The following SOX6 variants were observed in gnomAD, a reference collection of about 807,000 sequenced individuals.
SOX6 encodes the protein SRY-box transcription factor 6, also known as transcription factor SOX-6.
SOX6 carries 11 observed loss-of-function variants against 97.8 expected under a neutral mutation model. That is an observed-to-expected ratio of 0.11 (90% CI 0.07 to 0.19). SOX6 has a LOEUF of 0.19. Among genes scored for constraint, SOX6 ranks in the 10% least tolerant of loss-of-function variants. The probability of loss-of-function intolerance (pLI) is 1.00; values close to 1 mark genes in which losing one functional copy is unlikely to be tolerated. For synonymous variants in SOX6, 360 were observed against 371.4 expected, an observed-to-expected ratio of 0.97 and a Z score of 0.35; for missense variants, 810 against 1,039.5, an observed-to-expected ratio of 0.78 and a Z score of 3.04.
At chr11:16,360,630 C>T (rs536581296), upstream of SOX6, among the ~76,000 whole-genome samples, 6 of 152,198 alleles carry the variant, frequency 3.9e-5, no homozygotes, top group South Asian at 2.1e-4. Context: ...ATTGTATCCC[C>T]CAAGATAACT....
chr11:15,972,932 G>A lies in SOX6; in HGVS notation c.2364C>T (p.Ser788=). 1 of 1,614,168 alleles carries A rather than the reference G, an allele frequency of 6.2e-7. No homozygotes were observed. The highest frequency in any genetic ancestry group is 1.1e-5 in the South Asian group (1 of 91,076). Residue 788 remains serine (S), a synonymous_variant, in exon 16 of 16, where the codon AGC becomes AGT. Transcript: ENST00000683767. ...CATTGATCATTTCATTTCCAGCTAG[G>A]CTTCCGCCATCTGTCTTCATACCAT... ...STYGMKTDGG[S]LAGNEMINGE...
intron 9 of SOX6, among the ~76,000 whole-genome samples, chr11:16,080,378 T>C: frequency 6.6e-6 from 1 of 152,120 alleles, no homozygotes; most frequent in East Asian, 1.9e-4. Context: ...TCTTGGGCAG[T>C]TATTTAATCT....
chr11:16,504,560 A>G (rs1860756018), intron 4 of SOX6, among the ~76,000 whole-genome samples: 1 of 132,938 alleles, frequency 7.5e-6, no homozygotes, highest in Admixed American at 8.2e-5. Flanking sequence ...ACTGTAAACC[A>G]CTGATGGAAA....
chr11:16,123,886 G>GGCT (rs1401016700), intron 6 of SOX6, among the ~76,000 whole-genome samples: 2 of 152,034 alleles, frequency 1.3e-5, no homozygotes, highest in African/African-American at 4.8e-5. Context: ...CCCTAGCCTA[G>GGCT]GCTGCCTCTC....
In SOX6 at chr11:16,111,894, G is replaced by T; in HGVS notation, c.807C>A (p.Ile269=). 2 of 1,612,482 alleles carry T rather than the reference G, an allele frequency of 1.2e-6. No homozygotes were observed. Among genetic ancestry groups the T allele is most frequent in the African/African-American group, 1.3e-5 (1 of 74,978 alleles). ...QVQGHMPPLM[I]PIFPHDQRTL... Reference sequence around the variant, plus strand: ...TCCGCTGGTCATGTGGAAAAATTGGGATCATGAGCGGAGGCATGTGACCCT... The same window carrying T: ...TCCGCTGGTCATGTGGAAAAATTGGTATCATGAGCGGAGGCATGTGACCCT... Residue 269 remains isoleucine (I), a synonymous_variant, in exon 7 of 16, where the codon ATC becomes ATA. Coordinates refer to ENST00000683767, the MANE Select transcript of SOX6 (RefSeq NM_001367873.1).
At chr11:16,450,725 C>A (rs549006999) in intron 1 of SOX6, among the ~76,000 whole-genome samples, 35 of 152,194 alleles carry the variant, frequency 2.3e-4, no homozygotes, top group African/African-American at 7.5e-4. Flanking sequence ...ATCATAAAGT[C>A]GCCAAATATA....
intron 4 of SOX6, among the ~76,000 whole-genome samples, chr11:16,498,352 A>T (rs184756734): frequency 0.02 from 3,037 of 152,254 alleles, 82 homozygotes; most frequent in African/African-American, 0.06. Flanking sequence ...CACTGCAAAA[A>T]CATGCCAAAT....
At position 16,501,117 on chromosome 11, in the gene SOX6, G is replaced by C. The variant is rs1590225172; in HGVS notation, n.610-24729C>G. On this transcript the variant is annotated intron_variant and non_coding_transcript_variant, in intron 4 of 5. Coordinates refer to the SOX6 transcript ENST00000524520. Reference sequence around the variant, plus strand: ...GTACTGGTACCAAAACAGATATATAGACCAATGGAACAGAACAGAGCTCTC... The same window carrying C: ...GTACTGGTACCAAAACAGATATATACACCAATGGAACAGAACAGAGCTCTC... Among the ~76,000 whole-genome samples the C allele has an allele frequency of 2.0e-5, 3 of 152,196 alleles. No homozygotes were observed. The South Asian group carries it at 6.2e-4, about 32-fold the overall frequency.
chr11:16,714,327 T>C (rs959025308), intron 3 of SOX6, among the ~76,000 whole-genome samples: 1 of 152,062 alleles, frequency 6.6e-6, no homozygotes, highest in Non-Finnish European at 1.5e-5. Context: ...TCAAAGTTCT[T>C]TTCATACAAT....
At chr11:16,475,895 T>C (rs1458607391) in intron 1 of SOX6, among the ~76,000 whole-genome samples, 7 of 152,186 alleles carry the variant, frequency 4.6e-5, no homozygotes. Flanking sequence ...GAATTCTACA[T>C]TGTCTCACAT....
chr11:16,187,578 C>G (rs1336390732), intron 4 of SOX6, among the ~76,000 whole-genome samples: 13 of 151,812 alleles, frequency 8.6e-5, no homozygotes, highest in Non-Finnish European at 1.8e-4. Flanking sequence ...AAGTAAAATT[C>G]CCAAGTTCAT....
chr11:16,307,586 G>T (rs1332823324), intron 3 of SOX6, among the ~76,000 whole-genome samples: 2 of 152,146 alleles, frequency 1.3e-5, no homozygotes, highest in African/African-American at 4.8e-5. Context: ...TGGGGGATAA[G>T]CTAGAAAGCT....
intron 3 of SOX6, among the ~76,000 whole-genome samples, chr11:16,710,909 ATCTG>A (rs1005145659): frequency 6.6e-6 from 1 of 152,122 alleles, no homozygotes; most frequent in African/African-American, 2.4e-5. Flanking sequence ...ACCCACCCAA[ATCTG>A]TCTGTCTCCT....
At chr11:16,125,228 T>A (rs1849580256) in intron 6 of SOX6, among the ~76,000 whole-genome samples, 1 of 152,078 alleles carries the variant, frequency 6.6e-6, no homozygotes, top group African/African-American at 2.4e-5. Context: ...ATTACTGTGA[T>A]TCTTTTCCCC....
intron 4 of SOX6, among the ~76,000 whole-genome samples, chr11:16,586,288 GA>G (rs1848092481): frequency 2.0e-5 from 3 of 151,888 alleles, no homozygotes; most frequent in Admixed American, 6.6e-5. Context: ...CATAAATTCA[GA>G]AAGAAGTTTA....
At chr11:16,485,786 G>A (rs963412512) in intron 4 of SOX6, among the ~76,000 whole-genome samples, 12 of 149,592 alleles carry the variant, frequency 8.0e-5, no homozygotes, top group Admixed American at 2.0e-4. Context: ...CCCAGCTACC[G>A]AGGAGGCTGA....
At chr11:16,687,309 A>G (rs1345049159) in intron 3 of SOX6, among the ~76,000 whole-genome samples, 1 of 152,214 alleles carries the variant, frequency 6.6e-6, no homozygotes, top group African/African-American at 2.4e-5. Flanking sequence ...ATGGGAGAAC[A>G]GGAGCAAGAG....
chr11:16,074,459 C>T (rs1025178113), intron 9 of SOX6, among the ~76,000 whole-genome samples: 9 of 152,002 alleles, frequency 5.9e-5, no homozygotes, highest in South Asian at 2.1e-4. Flanking sequence ...AAAAGCCTAC[C>T]GACAAGAAAA....
In SOX6 at chr11:15,971,511, A is replaced by G. The variant is rs4539287; in HGVS notation, c.*1298T>C. On this transcript the variant is annotated 3_prime_UTR_variant, in exon 16 of 16. Coordinates refer to ENST00000683767, the MANE Select transcript of SOX6 (RefSeq NM_001367873.1). The stretch of plus-strand genomic sequence containing the variant: ...AAATGCCACTGATGCAGACCCTACC[A>G]CTTGTGAACTGAATTAGGGGAAAAT... 0.32 allele frequency: 49,229 copies of G among 152,502 alleles called. 9,560 individuals are homozygous for G. Among genetic ancestry groups the G allele is most frequent in the Non-Finnish European group, 0.44 (29,657 of 67,992 alleles). The allele number at this position is 152,502 out of a possible 1,614,324, so 9.4% of individuals were successfully genotyped here.
Sources: allele counts gnomAD v4.1 joint callset (sites outside exome capture counted in the v4.1 genomes callset), GRCh38; gene constraint gnomAD v4.1.1; transcripts MANE v1.5; gene names NCBI Gene and HGNC (gene_info 2026-07-23, HGNC 2026-07-21).